The following RALGDS variants were observed in gnomAD, a reference collection of about 807,000 sequenced individuals.
The protein encoded by RALGDS is ral guanine nucleotide exchange factor.
A neutral mutation model predicts 99.8 loss-of-function variants in RALGDS; 44 were observed. The observed-to-expected ratio is 0.44, with a 90% confidence interval of 0.35 to 0.57. The LOEUF is 0.57. RALGDS is among the 20% of genes least tolerant of loss of function. RALGDS has a pLI of 0.01. For missense variants in RALGDS, 1,022 were observed against 1,203.1 expected (o/e 0.85, Z 2.23); for synonymous variants, 529 against 505.0 (o/e 1.05, Z -0.64).
intron 1 of RALGDS, among the ~76,000 whole-genome samples, chr9:133,119,813 CCCA>C (rs1831822841): frequency 6.6e-6 from 1 of 152,130 alleles, no homozygotes; most frequent in African/African-American, 2.4e-5. Context: ...GTGGTGTTCC[CCCA>C]CCAAGAGCTC....
At chr9:133,131,576 G>A (rs567367767), upstream of RALGDS, among the ~76,000 whole-genome samples, 4 of 152,020 alleles carry the variant, frequency 2.6e-5, no homozygotes, top group East Asian at 7.7e-4. Flanking sequence ...CTGTCTTAAT[G>A]CAGCAACACC....
At chr9:133,141,713 C>T (rs1319612131) in intron 1 of RALGDS, among the ~76,000 whole-genome samples, 2 of 152,228 alleles carry the variant, frequency 1.3e-5, no homozygotes, top group Non-Finnish European at 2.9e-5. Flanking sequence ...TGCCCCAAGG[C>T]CCCAGTAGGT....
chr9:133,138,607 C>T (rs1832464086), intron 1 of RALGDS, among the ~76,000 whole-genome samples: 3 of 152,172 alleles, frequency 2.0e-5, no homozygotes, highest in Admixed American at 1.3e-4. Flanking sequence ...GACACTCAGC[C>T]CTCCTCATGG....
At chr9:133,148,847 T>C (rs1832668640) in intron 1 of RALGDS, 1 of 1,341,358 alleles carries the variant, frequency 7.5e-7, no homozygotes, top group African/African-American at 1.5e-5. Context: ...CGGAGCTGCG[T>C]AAGCGCACGC....
At position 133,148,890 on chromosome 9, in the gene RALGDS, C is replaced by T. The variant is rs73660456; in HGVS notation, c.18+73G>A. 9.6e-4 allele frequency: 1,483 copies of T among 1,551,180 alleles called. 16 individuals are homozygous for T. The African/African-American group carries it at 0.018, about 19-fold the overall frequency. Reference sequence around the variant, plus strand: ...GGACGCGGCGCCGGGCTCCCTCCCCCCGGTGGGTGTGGGCTGGGGCATACG... The same window carrying T: ...GGACGCGGCGCCGGGCTCCCTCCCCTCGGTGGGTGTGGGCTGGGGCATACG... On this transcript the variant is annotated intron_variant, in intron 1 of 17. Transcript: ENST00000393160.
At chr9:133,143,771 T>TAACAACAACAAC (rs759265482) in intron 1 of RALGDS, among the ~76,000 whole-genome samples, 8 of 111,624 alleles carry the variant, frequency 7.2e-5, no homozygotes, top group Admixed American at 9.7e-5. Context: ...ATAATAATAA[T>TAACAACAACAAC]AACAACAACA....
intron 9 of RALGDS, 145 bp from the exon 10 acceptor site, chr9:133,104,476 G>A: frequency 1.4e-6 from 1 of 707,278 alleles, no homozygotes; most frequent in South Asian, 1.6e-5. Context: ...CGGTGGCCTG[G>A]CCTTCCTGAG....
chr9:133,101,277 C>T (rs34018822), intron 16 of RALGDS: 385,363 of 1,360,394 alleles, frequency 0.28, 55,880 homozygotes, highest in Middle Eastern at 0.3. Context: ...CCTGACCTCA[C>T]CTCCCCTACA....
At position 133,100,382 on chromosome 9, in the gene RALGDS, C is replaced by A. The variant is rs1456742248; in HGVS notation, c.2455G>T (p.Val819Leu). The A allele has an allele frequency of 4.3e-6, 7 of 1,614,150 alleles. No homozygotes were observed. The highest frequency in any genetic ancestry group is 5.9e-6 in the Non-Finnish European group (7 of 1,180,000). Residue 819 changes from valine (V) to leucine (L), a missense_variant and splice_region_variant, in exon 17 of 18, where the codon GTG (valine) becomes TTG (leucine). Physicochemically the swap from Val to Leu is conservative, Grantham distance 32. Coordinates refer to ENST00000372050, the MANE Select transcript of RALGDS (RefSeq NM_006266.4). ...DNGNMYKSIL[V>L]TSQDKAPAVI... ...GCCGGAGCCTTATCTTGGCTGGTCACCTGCATCGCGGCGGGGGATGGACCA... is the reference window on the plus strand; with the variant it reads ...GCCGGAGCCTTATCTTGGCTGGTCAACTGCATCGCGGCGGGGGATGGACCA...
chr9:133,123,851 G>C (rs1452835532), upstream of RALGDS, among the ~76,000 whole-genome samples: 5 of 66,736 alleles, frequency 7.5e-5, no homozygotes, highest in Admixed American at 1.7e-4. Flanking sequence ...CACACACACA[G>C]ACACACAAAG....
intron 1 of RALGDS, among the ~76,000 whole-genome samples, chr9:133,142,167 G>A (rs1468828097): frequency 6.6e-6 from 1 of 152,186 alleles, no homozygotes; most frequent in African/African-American, 2.4e-5. Flanking sequence ...AGGGGGGAGT[G>A]GACTGGGGTG....
upstream of RALGDS, among the ~76,000 whole-genome samples, chr9:133,122,910 G>A (rs1417774564): frequency 6.6e-6 from 1 of 152,150 alleles, no homozygotes; most frequent in Non-Finnish European, 1.5e-5. Context: ...CACCATGTTG[G>A]CCAGGCTGAT....
At position 133,105,929 on chromosome 9, in the gene RALGDS, C is replaced by G; in HGVS notation, c.1602+3G>C. On this transcript the variant is annotated splice_donor_region_variant and intron_variant, in intron 9 of 17. Coordinates refer to ENST00000372050, the MANE Select transcript of RALGDS (RefSeq NM_006266.4). ...CCCCCGCCCCAGCCTGCCGCCACTC[C>G]ACCTTGATGAGCAGCTCCCGGCTCA... 6.4e-7 allele frequency: 1 copy of G among 1,557,976 alleles called. No homozygotes were observed. The highest frequency in any genetic ancestry group is 2.5e-5 in the East Asian group (1 of 40,810).
chr9:133,105,149 A>G (rs1438588785), intron 9 of RALGDS, among the ~76,000 whole-genome samples: 1 of 152,102 alleles, frequency 6.6e-6, no homozygotes, highest in Admixed American at 6.5e-5. Context: ...GGAGAGGGAC[A>G]GGTGTCCCAG....
upstream of RALGDS, among the ~76,000 whole-genome samples, chr9:133,125,360 G>C (rs575276131): frequency 1.3e-5 from 2 of 152,186 alleles, no homozygotes; most frequent in African/African-American, 2.4e-5. Context: ...GCCCTGCACC[G>C]ATGGTCGTGA....
chr9:133,124,115 CACAT>C (rs1405714348), upstream of RALGDS, among the ~76,000 whole-genome samples: 1 of 127,800 alleles, frequency 7.8e-6, no homozygotes, highest in East Asian at 2.1e-4. Context: ...CACAGACACA[CACAT>C]AGAGACAGAG....
At chr9:133,125,713 G>T (rs1236074053), upstream of RALGDS, among the ~76,000 whole-genome samples, 19 of 152,140 alleles carry the variant, frequency 1.2e-4, no homozygotes, top group Admixed American at 1.2e-3. Flanking sequence ...TCCAGCCTGG[G>T]CGACAAAGCA....
intron 1 of RALGDS, among the ~76,000 whole-genome samples, chr9:133,145,692 C>T (rs954630767): frequency 6.6e-6 from 1 of 152,152 alleles, no homozygotes; most frequent in African/African-American, 2.4e-5. Context: ...TCTGGGTCAC[C>T]AAGCTCCTGC....
intron 1 of RALGDS, among the ~76,000 whole-genome samples, chr9:133,143,801 T>C (rs867561204): frequency 0.015 from 2,038 of 139,006 alleles, 62 homozygotes; most frequent in African/African-American, 0.058. Flanking sequence ...ATAATAATAA[T>C]AATAATAATA....
Sources: gnomAD v4.1 joint callset for allele counts (sites outside exome capture counted in the v4.1 genomes callset) on GRCh38, gnomAD v4.1.1 for gene constraint, MANE v1.5 for transcripts, NCBI Gene and HGNC (gene_info 2026-07-23, HGNC 2026-07-21) for gene names.